Variants in IFT57 observed in about 807,000 individuals in gnomAD.
IFT57 encodes intraflagellar transport 57.
Under a neutral mutation model 56.8 loss-of-function variants are expected in IFT57, and 59 were observed. The observed-to-expected ratio is 1.04, with a 90% CI of 0.84 to 1.29. The LOEUF (loss-of-function observed/expected upper bound fraction) is 1.29, where lower values mean the gene tolerates loss of function less well. IFT57 is among the 50% of genes most tolerant of loss of function. The pLI, the probability that IFT57 is intolerant of heterozygous loss-of-function variation, is 0.00. For synonymous variants in IFT57, 209 were observed against 186.1 expected, an observed-to-expected ratio of 1.12 and a Z score of -1.00; for missense variants, 470 against 522.1, an observed-to-expected ratio of 0.90 and a Z score of 0.97.
At chr3:108,211,104 G>A (rs2080340486) in intron 4 of IFT57, among the ~76,000 whole-genome samples, 1 of 152,156 alleles carries the variant, frequency 6.6e-6, no homozygotes, top group South Asian at 2.1e-4. Context: ...ACAATAAGCT[G>A]GAGACACAAC....
In IFT57 at chr3:108,185,258, C is replaced by G. The variant is rs116350585; in HGVS notation, c.777+6263G>C. Among the ~76,000 whole-genome samples, 1,188 of 152,092 alleles carry G rather than the reference C, an allele frequency of 7.8e-3. 10 individuals carry two copies. Among genetic ancestry groups the G allele is most frequent in the African/African-American group, 0.027 (1,115 of 41,474 alleles). On this transcript the variant is annotated intron_variant, in intron 6 of 10. Transcript: ENST00000264538. ...AAGAAAAAATGAAGATATAATACGA[C>G]AATTTAAAGCAAAAGGAGGGTGAAG...
In IFT57 at chr3:108,220,381, T is replaced by G. The variant is rs1032938821; in HGVS notation, c.213-809A>C. On this transcript the variant is annotated intron_variant, in intron 1 of 10. Coordinates refer to ENST00000264538, the MANE Select transcript of IFT57 (RefSeq NM_018010.4). ...TGTCTTGTTCATGTGTAGCTATCAT[T>G]ATTATGTTTACAATGTATTTACAAC... Among the ~76,000 whole-genome samples, 27 of 152,234 alleles carry G rather than the reference T, an allele frequency of 1.8e-4. 1 individual carries two copies. The highest frequency in any genetic ancestry group is 2.6e-4 in the Admixed American group (4 of 15,290).
At chr3:108,196,422 A>T (rs2080244850) in intron 5 of IFT57, among the ~76,000 whole-genome samples, 1 of 152,184 alleles carries the variant, frequency 6.6e-6, no homozygotes. Context: ...TTACTGAAGG[A>T]AGGGCATTTT....
intron 6 of IFT57, among the ~76,000 whole-genome samples, chr3:108,188,202 G>A (rs950537600): frequency 1.3e-5 from 2 of 152,128 alleles, no homozygotes; most frequent in African/African-American, 4.8e-5. Flanking sequence ...CACGATGCTG[G>A]AGTCCACCTC....
At chr3:108,210,723 C>T (rs1262189679) in intron 4 of IFT57, among the ~76,000 whole-genome samples, 1 of 151,994 alleles carries the variant, frequency 6.6e-6, no homozygotes, top group Non-Finnish European at 1.5e-5. Flanking sequence ...TGACCCAGTC[C>T]TCCTTAAAGA....
intron 5 of IFT57, among the ~76,000 whole-genome samples, chr3:108,202,712 T>C (rs917917542): frequency 3.3e-5 from 5 of 152,206 alleles, no homozygotes; most frequent in African/African-American, 9.7e-5. Context: ...CTAATTGCAG[T>C]TGTTGGCAAA....
intron 5 of IFT57, among the ~76,000 whole-genome samples, chr3:108,198,039 T>C (rs1576043009): frequency 6.6e-6 from 1 of 152,198 alleles, no homozygotes; most frequent in South Asian, 2.1e-4. Flanking sequence ...TAGATGCTTT[T>C]ACATATGGGT....
chr3:108,205,182 T>A (rs1362851082), intron 5 of IFT57, among the ~76,000 whole-genome samples: 1 of 152,146 alleles, frequency 6.6e-6, no homozygotes, highest in Admixed American at 6.5e-5. Flanking sequence ...GGAGGAAAGA[T>A]GTGGTTTTGG....
intron 5 of IFT57, 148 bp from the exon 6 acceptor site, chr3:108,191,791 C>A: frequency 2.0e-6 from 1 of 496,864 alleles, no homozygotes; most frequent in Non-Finnish European, 3.4e-6. Context: ...TGTCTTCCTA[C>A]AATGTTGAAA....
At chr3:108,164,708 T>C (rs1441172305) in intron 9 of IFT57, among the ~76,000 whole-genome samples, 2 of 152,128 alleles carry the variant, frequency 1.3e-5, no homozygotes, top group Non-Finnish European at 2.9e-5. Context: ...TGATGTTATA[T>C]TTTTAGTGTT....
intron 5 of IFT57, among the ~76,000 whole-genome samples, chr3:108,195,229 C>G (rs1369635875): frequency 1.3e-5 from 2 of 152,098 alleles, no homozygotes; most frequent in East Asian, 3.8e-4. Context: ...AAAATGATCA[C>G]TAATCATTAC....
intron 6 of IFT57, among the ~76,000 whole-genome samples, chr3:108,172,783 T>C (rs925626294): frequency 1.3e-5 from 2 of 151,840 alleles, no homozygotes; most frequent in Non-Finnish European, 2.9e-5. Flanking sequence ...ATATTAATAC[T>C]ACAGTGTGAC....
At chr3:108,189,901 A>AT (rs2080205579) in intron 6 of IFT57, among the ~76,000 whole-genome samples, 1 of 152,236 alleles carries the variant, frequency 6.6e-6, no homozygotes, top group Admixed American at 6.5e-5. Context: ...TAAGAAAATC[A>AT]TAAGAAAGAA....
intron 6 of IFT57, among the ~76,000 whole-genome samples, chr3:108,184,748 T>C (rs938538720): frequency 6.6e-6 from 1 of 152,130 alleles, no homozygotes; most frequent in Admixed American, 6.6e-5. Context: ...TTAAAATGTG[T>C]GAGGTTAATC....
At chr3:108,207,545 AAAG>A (rs2080320211) in intron 4 of IFT57, among the ~76,000 whole-genome samples, 1 of 152,232 alleles carries the variant, frequency 6.6e-6, no homozygotes, top group Non-Finnish European at 1.5e-5. Flanking sequence ...TATAAGGAAA[AAAG>A]AGAATGTCAG....
At chr3:108,209,450 T>C (rs2080331711) in intron 4 of IFT57, among the ~76,000 whole-genome samples, 1 of 152,182 alleles carries the variant, frequency 6.6e-6, no homozygotes, top group Non-Finnish European at 1.5e-5. Context: ...TTTAAGAAGA[T>C]GTACATGGAT....
intron 5 of IFT57, among the ~76,000 whole-genome samples, chr3:108,193,513 T>TA (rs2080227161): frequency 1.3e-5 from 2 of 152,034 alleles, no homozygotes; most frequent in South Asian, 2.1e-4. Context: ...ACCAGAAGTA[T>TA]AAAAAAACAA....
intron 9 of IFT57, among the ~76,000 whole-genome samples, chr3:108,164,786 A>T (rs1273355368): frequency 6.6e-6 from 1 of 152,126 alleles, no homozygotes; most frequent in African/African-American, 2.4e-5. Flanking sequence ...CAAAACAGTA[A>T]AGTTTGTTCC....
In IFT57 at chr3:108,161,295, T is replaced by C. The variant is rs533650848; in HGVS notation, c.*1182A>G. 6.3e-4 allele frequency: 94 copies of C among 150,000 alleles called. No individual in the cohort carries two copies. Among genetic ancestry groups the C allele is most frequent in the Middle Eastern group, 3.4e-3 (1 of 294 alleles). 9.3% of individuals were successfully genotyped at this position (150,000 alleles called of 1,614,324 possible). On this transcript the variant is annotated 3_prime_UTR_variant, in exon 11 of 11. Transcript: ENST00000264538. ...TTGATTGTCATCCTTTCAGGTAGTT[T>C]ACATACACTTTCTCCTGTCTAAACT...
Sources: gnomAD v4.1 joint callset for allele counts (sites outside exome capture counted in the v4.1 genomes callset) on GRCh38, gnomAD v4.1.1 for gene constraint, MANE v1.5 for transcripts, NCBI Gene and HGNC (gene_info 2026-07-23, HGNC 2026-07-21) for gene names.